NBPF26: variants seen among roughly 807,000 people sequenced by gnomAD.
The protein encoded by NBPF26 is NBPF family member NBPF26.
Under a neutral mutation model 119.6 loss-of-function variants are expected in NBPF26, and 79 were observed. The observed-to-expected ratio is 0.66, with a 90% CI of 0.55 to 0.80. NBPF26 has a LOEUF of 0.80. NBPF26 is among the 30% of genes least tolerant of loss of function. The pLI is 0.00. For synonymous variants in NBPF26, 299 were observed against 457.7 expected, an observed-to-expected ratio of 0.65 and a Z score of 4.43; for missense variants, 800 against 1,198.2, an observed-to-expected ratio of 0.67 and a Z score of 4.91.
rs2101490544 is a variant in NBPF26, at chr1:120,805,877, G to A, written c.961+112G>A. On this transcript the variant is annotated intron_variant, in intron 5 of 29. Transcript: ENST00000620612. ...GAATTTCATCCTTCCTGTACTTCTA[G>A]GAAAACAGAAATGGGTATTTTAACA... 1.3e-5 allele frequency: 11 copies of A among 865,104 alleles called. No individual in the cohort carries two copies. The East Asian group carries it at 2.5e-4, about 20-fold the overall frequency. 53.6% of individuals were successfully genotyped at this position (865,104 alleles called of 1,614,324 possible). A position where few individuals can be genotyped will look rare whatever the true frequency, so the allele number is the denominator to read the frequency against.
At chr1:120,793,613 G>A (rs2101473347) in intron 4 of NBPF26, 117 bp downstream of exon 4, 1 of 763,022 alleles carries the variant, frequency 1.3e-6, no homozygotes, top group Non-Finnish European at 2.1e-6. Context: ...TGAGAATTTT[G>A]TGTGGGGTGG....
At chr1:120,784,258 G>T (rs1294036706) in intron 2 of NBPF26, among the ~76,000 whole-genome samples, 1 of 118,268 alleles carries the variant, frequency 8.5e-6, no homozygotes, top group Non-Finnish European at 1.6e-5. Flanking sequence ...CAAATATATG[G>T]TTCTGTACAC....
intron 1 of NBPF26, among the ~76,000 whole-genome samples, chr1:120,729,602 A>G (rs1452776510): frequency 8.4e-6 from 1 of 118,742 alleles, no homozygotes; most frequent in Non-Finnish European, 1.7e-5. Context: ...AGTGAGGAGC[A>G]TGTCTGGGGT....
chr1:120,805,253 G>A (rs1651652515), intron 4 of NBPF26, among the ~76,000 whole-genome samples: 1 of 125,842 alleles, frequency 7.9e-6, no homozygotes, highest in Admixed American at 7.7e-5. Flanking sequence ...GGGCTCCTAA[G>A]TTTCCATGAC....
At position 120,784,736 on chromosome 1, in the gene NBPF26, GA is replaced by G. The variant is rs1651402432; in HGVS notation, c.156-236del. On this transcript the variant is annotated intron_variant, in intron 2 of 29. Transcript: ENST00000620612. Reference sequence around the variant, plus strand: ...ATTTTGTTTTCGTCTTCAGCTATTAGAATGTAAACTCCAAGAGTGTAAGAAT... The same window carrying G: ...ATTTTGTTTTCGTCTTCAGCTATTAGATGTAAACTCCAAGAGTGTAAGAAT... Among the ~76,000 whole-genome samples the G allele has an allele frequency of 2.5e-5, 3 of 117,734 alleles. 1 individual carries two copies. The highest frequency in any genetic ancestry group is 9.9e-5 in the African/African-American group (2 of 20,160). 77.2% of individuals were successfully genotyped at this position (117,734 alleles called of 152,430 possible).
rs1309794811 is a variant in NBPF26 at position 120,802,662 on chromosome 1, A to G, written c.752-2894A>G. Among the ~76,000 whole-genome samples the G allele has an allele frequency of 1.7e-5, 2 of 119,324 alleles. 1 individual carries two copies. The highest frequency in any genetic ancestry group is 9.4e-5 in the African/African-American group (2 of 21,266). The allele number at this position is 119,324 out of a possible 152,430, so 78.3% of individuals were successfully genotyped here. On this transcript the variant is annotated intron_variant, in intron 4 of 29. Transcript: ENST00000620612. ...TGCTCAGCTTACAAGAAAAGGAATC[A>G]TACTGCTAAGAATTCAAACTTCAGC...
At position 120,807,959 on chromosome 1, in the gene NBPF26, C is replaced by T. The variant is rs1208818001; in HGVS notation, c.1064+250C>T. 1.6e-5 allele frequency among the ~76,000 whole-genome samples: 2 copies of T among 121,930 alleles called. 1 individual carries two copies. The highest frequency in any genetic ancestry group is 8.1e-5 in the African/African-American group (2 of 24,838). 80.0% of individuals were successfully genotyped at this position (121,930 alleles called of 152,430 possible). A position where few individuals can be genotyped will look rare whatever the true frequency, so the allele number is the denominator to read the frequency against. ...AATTGTTGATGTGAAATTTACATAA[C>T]ACAAAATTTACCAAAGGAGTGGGAA... On this transcript the variant is annotated intron_variant, in intron 6 of 29. Transcript: ENST00000620612.
intron 16 of NBPF26, among the ~76,000 whole-genome samples, chr1:120,822,911 T>C (rs1325176409): frequency 0.059 from 7,214 of 122,088 alleles, 1,894 homozygotes; most frequent in African/African-American, 0.21. Context: ...CATTGCACCC[T>C]TTCATCAAAT....
At position 120,742,313 on chromosome 1, in the gene NBPF26, G is replaced by A. The variant is rs1205966074; in HGVS notation, c.73+18063G>A. ...CTGATTTAACTCTGTGTGTGTGTGC[G>A]TGTGTGTGTGTGTGTGTGTGTGTGT... is the stretch of plus-strand genomic sequence containing the variant. On this transcript the variant is annotated intron_variant, in intron 1 of 29. Coordinates refer to ENST00000620612, the Ensembl canonical transcript of NBPF26. Among the ~76,000 whole-genome samples the A allele has an allele frequency of 3.9e-4, 12 of 30,708 alleles. 3 individuals are homozygous for A. Among genetic ancestry groups the A allele is most frequent in the East Asian group, 1.2e-3 (1 of 828 alleles). 20.1% of individuals were successfully genotyped at this position (30,708 alleles called of 152,430 possible). A position where few individuals can be genotyped will look rare whatever the true frequency, so the allele number is the denominator to read the frequency against.
chr1:120,793,128 G>A, intron 3 of NBPF26, 33 bp from the exon 4 acceptor site: 2 of 916,224 alleles, frequency 2.2e-6, no homozygotes, highest in South Asian at 2.8e-5. Context: ...CTATTTCTGT[G>A]GCCAGTACTG....
Position 120,770,243 on chromosome 1 carries a change from C to T in NBPF26, c.155+6534C>T, listed in dbSNP as rs1651247330. 2.9e-5 allele frequency among the ~76,000 whole-genome samples: 3 copies of T among 103,434 alleles called. No homozygotes were observed. In the South Asian group the frequency reaches 8.7e-4, roughly 30 times the overall value. 67.9% of individuals were successfully genotyped at this position (103,434 alleles called of 152,430 possible). A position where few individuals can be genotyped will look rare whatever the true frequency, so the allele number is the denominator to read the frequency against. ...GGAGTGCAGTGGCGCTTTCTTGGCT[C>T]ACTGCAAGCTCCGCCTCCCGGGTTC... On this transcript the variant is annotated intron_variant, in intron 2 of 29. Coordinates refer to ENST00000620612, the Ensembl canonical transcript of NBPF26.
At position 120,781,512 on chromosome 1, in the gene NBPF26, T is replaced by A. The variant is rs1175390493; in HGVS notation, c.156-3462T>A. ...TAGCCTAGTGTTGAAGCACACGCAC[T>A]CTAGAGTCTACTTGGGTTTGAATCC... On this transcript the variant is annotated intron_variant, in intron 2 of 29. Transcript: ENST00000620612. Among the ~76,000 whole-genome samples the A allele has an allele frequency of 2.3e-3, 102 of 44,914 alleles. 14 individuals carry two copies. The highest frequency in any genetic ancestry group is 2.3e-3 in the Non-Finnish European group (63 of 27,054). 29.5% of individuals were successfully genotyped at this position (44,914 alleles called of 152,430 possible).
intron 9 of NBPF26, among the ~76,000 whole-genome samples, chr1:120,811,674 TGTA>T (rs1449583314): frequency 8.8e-6 from 1 of 113,154 alleles, no homozygotes; most frequent in Non-Finnish European, 1.7e-5. Context: ...GCAAGAAAAG[TGTA>T]GAAGTGTTTA....
intron 10 of NBPF26, among the ~76,000 whole-genome samples, chr1:120,812,587 A>G (rs1329790911): frequency 1.5e-4 from 3 of 19,956 alleles, no homozygotes; most frequent in Non-Finnish European, 2.6e-4. Context: ...AGAGGAGTCT[A>G]CCCCTAATAG....
At chr1:120,759,267 CT>C (rs1169932555) in intron 1 of NBPF26, among the ~76,000 whole-genome samples, 6 of 33,288 alleles carry the variant, frequency 1.8e-4, no homozygotes, top group East Asian at 6.1e-4. Flanking sequence ...CTTCTTTTTG[CT>C]TTTTTTTTTT....
rs1360527147 is a variant in NBPF26, at chr1:120,730,597, AC to A, written c.73+6348del. The stretch of plus-strand genomic sequence containing the variant: ...GTAGATCTGTTTTTTCTCCTGTCTC[AC>A]TTTTTGGAGGAGAATATTATCTGTG... On this transcript the variant is annotated intron_variant, in intron 1 of 29. Coordinates refer to ENST00000620612, the Ensembl canonical transcript of NBPF26. Among the ~76,000 whole-genome samples, 6 of 115,412 alleles carry A rather than the reference AC, an allele frequency of 5.2e-5. 2 individuals are homozygous for A. Among genetic ancestry groups the A allele is most frequent in the African/African-American group, 1.0e-4 (2 of 19,172 alleles). The allele number at this position is 115,412 out of a possible 152,430, so 75.7% of individuals were successfully genotyped here. A position where few individuals can be genotyped will look rare whatever the true frequency, so the allele number is the denominator to read the frequency against.
rs1195177313 is a variant in NBPF26, at chr1:120,770,319, G to A, written c.155+6610G>A. ...CAAGTAGCCGGGACTATAAGCGCCC[G>A]CCACCACGCCCGGCTAATTTTTTGT... On this transcript the variant is annotated intron_variant, in intron 2 of 29. Transcript: ENST00000620612. Among the ~76,000 whole-genome samples, 10 of 107,888 alleles carry A rather than the reference G, an allele frequency of 9.3e-5. 2 individuals carry two copies. Among genetic ancestry groups the A allele is most frequent in the Middle Eastern group, 3.9e-3 (1 of 258 alleles). 70.8% of individuals were successfully genotyped at this position (107,888 alleles called of 152,430 possible).
chr1:120,742,316 T>C (rs1313146048), intron 1 of NBPF26, among the ~76,000 whole-genome samples: 639 of 31,530 alleles, frequency 0.02, 176 homozygotes, highest in South Asian at 0.034. Context: ...TGTGTGCGTG[T>C]GTGTGTGTGT....
At position 120,807,410 on chromosome 1, in the gene NBPF26, TC is replaced by T. The variant is rs1651725375; in HGVS notation, c.962-196del. On this transcript the variant is annotated intron_variant, in intron 5 of 29. Transcript: ENST00000620612. ...CTTGATGCGCCCTTGAGTTTCTCTTTCTTCGTCTTTAAATTTTGGAGGATCA... is the reference window on the plus strand; with the variant it reads ...CTTGATGCGCCCTTGAGTTTCTCTTTTTCGTCTTTAAATTTTGGAGGATCA... Among the ~76,000 whole-genome samples the T allele has an allele frequency of 1.6e-5, 2 of 123,392 alleles. 1 individual carries two copies. The highest frequency in any genetic ancestry group is 3.3e-5 in the Non-Finnish European group (2 of 61,138). 80.9% of individuals were successfully genotyped at this position (123,392 alleles called of 152,430 possible).
Sources: allele counts gnomAD v4.1 joint callset (sites outside exome capture counted in the v4.1 genomes callset), GRCh38; gene constraint gnomAD v4.1.1; transcripts MANE v1.5; gene names NCBI Gene and HGNC (gene_info 2026-07-23, HGNC 2026-07-21).